Variants in RPS6KA3 observed in about 807,000 individuals in gnomAD.
The protein encoded by RPS6KA3 is ribosomal protein S6 kinase alpha-3.
Under a neutral mutation model 67.2 loss-of-function variants are expected in RPS6KA3, and 4 were observed. The observed-to-expected ratio is 0.06, with a 90% CI of 0.03 to 0.14. The LOEUF (loss-of-function observed/expected upper bound fraction) is 0.14. Among genes scored for constraint, RPS6KA3 ranks in the 10% least tolerant of loss-of-function variants. The pLI, the probability that RPS6KA3 is intolerant of heterozygous loss-of-function variation, is 1.00. For synonymous variants in RPS6KA3, 182 were observed against 183.7 expected (o/e 0.99, Z 0.07); for missense variants, 204 against 559.0 (o/e 0.36, Z 6.40).
chrX:20,202,632 G>T (rs1239465945), intron 4 of RPS6KA3, among the ~76,000 whole-genome samples: 1 of 112,137 alleles, frequency 8.9e-6, no homozygotes, highest in East Asian at 2.8e-4. Flanking sequence ...GGAGTAGTGA[G>T]ATTCTTAACA....
At chrX:20,267,029 T>A, upstream of RPS6KA3, 5 of 752,501 alleles carry the variant, frequency 6.6e-6, no homozygotes, top group Non-Finnish European at 7.8e-6. Context: ...ACATGGCGCC[T>A]AAGCGATACC....
intron 1 of RPS6KA3, among the ~76,000 whole-genome samples, chrX:20,247,877 A>G (rs771509997): frequency 8.9e-6 from 1 of 112,091 alleles, no homozygotes; most frequent in Non-Finnish European, 1.9e-5. Flanking sequence ...ATAAAAAACA[A>G]AAAAAACCTT....
At chrX:20,212,435 T>C (rs1691428423) in intron 2 of RPS6KA3, among the ~76,000 whole-genome samples, 2 of 110,761 alleles carry the variant, frequency 1.8e-5, no homozygotes, top group Admixed American at 9.6e-5. Context: ...GAGGCAGAGG[T>C]TGCAGTGAGC....
intron 1 of RPS6KA3, among the ~76,000 whole-genome samples, chrX:20,252,424 T>A (rs372321414): frequency 1.8e-3 from 197 of 110,518 alleles, no homozygotes; most frequent in South Asian, 8.1e-3. Flanking sequence ...TTTTTTTTTT[T>A]CCCCGAAGCA....
Position 20,156,236 on chromosome X carries a change from T to C in RPS6KA3, c.1973A>G (p.Lys658Arg), listed in dbSNP as rs1009522729. The change falls in exon 21 of 22, where the codon AAG (lysine) becomes AGG (arginine). Residue 658 changes from lysine (K) to arginine (R), a missense_variant. Transcript: ENST00000379565. ...CTGATGAGGGTCTACATGAAGCATC[T>C]TTGACACCAGGTCCTGTAATGGGAA... ...VSDTAKDLVS[K>R]MLHVDPHQRL... 8.3e-7 allele frequency: 1 copy of C among 1,208,724 alleles called. No homozygotes were observed. The highest frequency in any genetic ancestry group is 1.8e-5 in the African/African-American group (1 of 56,987).
chrX:20,191,808 C>A (rs1371706826), intron 7 of RPS6KA3, among the ~76,000 whole-genome samples: 1 of 110,702 alleles, frequency 9.0e-6, no homozygotes, highest in African/African-American at 3.3e-5. Flanking sequence ...CTCTTGTCAC[C>A]CAGGCTGGAG....
At chrX:20,231,497 A>G (rs1045337641) in intron 2 of RPS6KA3, among the ~76,000 whole-genome samples, 1 of 111,633 alleles carries the variant, frequency 9.0e-6, no homozygotes, top group African/African-American at 3.3e-5. Flanking sequence ...ACTTTTTACA[A>G]AAGTAAAAAG....
rs187373172 is a variant in RPS6KA3, at chrX:20,237,417, A to G, written c.70-2603T>C. On this transcript the variant is annotated intron_variant, in intron 1 of 21. Transcript: ENST00000379565. ...GAACCATCTGTTCCCTGCAATTTTT[A>G]ATGTATGCAAAGCAAGTGTCACAAC... 7.1e-3 allele frequency among the ~76,000 whole-genome samples: 793 copies of G among 111,938 alleles called. 7 individuals carry two copies. The highest frequency in any genetic ancestry group is 0.025 in the African/African-American group (768 of 30,900).
At position 20,161,683 on chromosome X, in the gene RPS6KA3, G is replaced by A. The variant is rs760416219; in HGVS notation, c.1920C>T (p.Leu640=). The A allele has an allele frequency of 4.3e-6, 5 of 1,170,642 alleles. No homozygotes were observed. The Admixed American group carries it at 1.1e-4, about 26-fold the overall frequency. Residue 640 remains leucine, a synonymous_variant, in exon 20 of 22, where the codon CTC becomes CTT. Transcript: ENST00000379565. Reference sequence around the variant, plus strand: ...AAACAGAATTCCAGTAACCACCACTGAGTGAGAATTTTCCGCTACCTATTC... The same window carrying A: ...AAACAGAATTCCAGTAACCACCACTAAGTGAGAATTTTCCGCTACCTATTC... The part of the protein sequence containing the change: ...LARIGSGKFS[L]SGGYWNSVSD...
rs377063600 is a variant in RPS6KA3, at chrX:20,234,834, C to T, written c.70-20G>A. The T allele has an allele frequency of 1.9e-5, 22 of 1,154,853 alleles. No homozygotes were observed. The highest frequency in any genetic ancestry group is 1.6e-4 in the African/African-American group (9 of 54,958). ...TCCATTCTGTGAAAAGCACAGCAAG[C>T]AGGAAGTTACCAAAACAGACCTCAC... is the stretch of plus-strand genomic sequence containing the variant. On this transcript the variant is annotated intron_variant, in intron 1 of 21. Transcript: ENST00000379565.
intron 2 of RPS6KA3, among the ~76,000 whole-genome samples, chrX:20,232,688 A>G (rs755580564): frequency 8.9e-6 from 1 of 112,650 alleles, no homozygotes; most frequent in South Asian, 3.6e-4. Flanking sequence ...CATAATAGAC[A>G]TGGAGTTAAT....
chrX:20,209,986 TGA>T (rs2068669843), intron 2 of RPS6KA3, among the ~76,000 whole-genome samples: 1 of 112,006 alleles, frequency 8.9e-6, no homozygotes, highest in Non-Finnish European at 1.9e-5. Context: ...ATCTGGGATC[TGA>T]GAGGGGAGAA....
intron 1 of RPS6KA3, among the ~76,000 whole-genome samples, chrX:20,251,124 A>G (rs1443090437): frequency 2.7e-5 from 3 of 111,170 alleles, no homozygotes; most frequent in Admixed American, 9.6e-5. Flanking sequence ...GGTGTGCCAT[A>G]TCCTTCTGGC....
chrX:20,219,570 T>G (rs1162583927), intron 2 of RPS6KA3, among the ~76,000 whole-genome samples: 1 of 111,545 alleles, frequency 9.0e-6, no homozygotes, highest in African/African-American at 3.3e-5. Context: ...AGTTAAAAAC[T>G]CACATTCCTA....
chrX:20,195,109 A>G lies in RPS6KA3; in HGVS notation c.362T>C (p.Ile121Thr). 1 of 1,201,300 alleles carries G rather than the reference A, an allele frequency of 8.3e-7. No individual in the cohort carries two copies. The highest frequency in any genetic ancestry group is 1.1e-6 in the Non-Finnish European group (1 of 886,056). ...DRVRTKMERD[I>T]LVEVNHPFIV... ...AAAAGGATGATTAACCTCTACCAAG[A>G]TATCACGTTCCATTTTTGTCCGAAC... Residue 121 changes from isoleucine (I) to threonine (T), a missense_variant, in exon 5 of 22, where the codon ATC (isoleucine) becomes ACC (threonine). Transcript: ENST00000379565.
chrX:20,158,625 A>G (rs771896129), intron 20 of RPS6KA3, among the ~76,000 whole-genome samples: 7 of 111,820 alleles, frequency 6.3e-5, no homozygotes, highest in Non-Finnish European at 9.4e-5. Context: ...GAAAGTAGGC[A>G]AAAGTGCTTA....
chrX:20,157,070 C>A (rs1013817080), intron 20 of RPS6KA3, among the ~76,000 whole-genome samples: 1 of 111,749 alleles, frequency 8.9e-6, no homozygotes. Context: ...TAATCCCACT[C>A]TTCCAGAGAC....
intron 2 of RPS6KA3, among the ~76,000 whole-genome samples, chrX:20,219,392 G>A (rs1194076744): frequency 9.0e-6 from 1 of 111,612 alleles, no homozygotes; most frequent in Non-Finnish European, 1.9e-5. Flanking sequence ...CTGTCAATGA[G>A]GAAGAGTTTC....
intron 1 of RPS6KA3, among the ~76,000 whole-genome samples, chrX:20,248,340 C>T (rs1281031259): frequency 8.9e-6 from 1 of 112,176 alleles, no homozygotes; most frequent in African/African-American, 3.2e-5. Context: ...AGAATGCCTA[C>T]AATATGTCCC....
Sources: allele counts gnomAD v4.1 joint callset (sites outside exome capture counted in the v4.1 genomes callset), GRCh38; gene constraint gnomAD v4.1.1; transcripts MANE v1.5; gene names NCBI Gene and HGNC (gene_info 2026-07-23, HGNC 2026-07-21).